The following PRKAR1B variants were observed in gnomAD, a reference collection of about 807,000 sequenced individuals.
PRKAR1B encodes cAMP-dependent protein kinase type I-beta regulatory subunit.
Under a neutral mutation model 46.5 loss-of-function variants are expected in PRKAR1B, and 22 were observed. The ratio of observed to expected loss-of-function variants is 0.47; its 90% CI spans 0.34 to 0.68. The LOEUF (loss-of-function observed/expected upper bound fraction) is 0.68. PRKAR1B is among the 30% of genes least tolerant of loss of function. The probability of loss-of-function intolerance (pLI) is 0.01; values close to 1 mark genes in which losing one functional copy is unlikely to be tolerated. For missense variants in PRKAR1B, 445 were observed against 535.6 expected (o/e 0.83, Z 1.67); for synonymous variants, 259 against 217.7 (o/e 1.19, Z -1.67).
At chr7:582,578 G>A (rs1462283918) in intron 8 of PRKAR1B, among the ~76,000 whole-genome samples, 2 of 152,252 alleles carry the variant, frequency 1.3e-5, no homozygotes, top group Non-Finnish European at 2.9e-5. Flanking sequence ...GAGGCCACGC[G>A]GCCAGGGCGT....
chr7:555,279 C>T (rs1240773746), intron 9 of PRKAR1B, among the ~76,000 whole-genome samples: 3 of 152,126 alleles, frequency 2.0e-5, no homozygotes, highest in Non-Finnish European at 4.4e-5. Context: ...CCGGGGAGCC[C>T]CCACGGGGCT....
chr7:561,178 TACACACATGCACACACACCCC>T (rs1294469622), intron 9 of PRKAR1B, among the ~76,000 whole-genome samples: 2 of 144,938 alleles, frequency 1.4e-5, no homozygotes, highest in African/African-American at 2.6e-5. Flanking sequence ...GGTACGTGCA[TACACACATGCACACACACCCC>T]ACACACATGC....
chr7:614,931 G>T (rs1354854246), intron 4 of PRKAR1B, among the ~76,000 whole-genome samples: 2 of 151,856 alleles, frequency 1.3e-5, no homozygotes, highest in African/African-American at 2.4e-5. Context: ...AAAAAATTCA[G>T]CTGGGCATGG....
intron 2 of PRKAR1B, among the ~76,000 whole-genome samples, chr7:682,409 A>T (rs777618835): frequency 3.1e-4 from 47 of 151,746 alleles, no homozygotes; most frequent in Non-Finnish European, 2.7e-4. Flanking sequence ...TGGCCCCAGG[A>T]GTTCAAGACC....
rs570168396 is a variant in PRKAR1B at position 693,003 on chromosome 7, C to T, written c.178-12277G>A. ...AGGCTGGAGGGCAGTGGTGCGATCT[C>T]GGCTCACTGCAAGCTCCGCCTCCCG... On this transcript the variant is annotated intron_variant, in intron 2 of 10. Transcript: ENST00000537384. Among the ~76,000 whole-genome samples the T allele has an allele frequency of 8.6e-5, 13 of 151,880 alleles. No individual in the cohort carries two copies. The South Asian group carries it at 1.7e-3, about 19-fold the overall frequency.
At chr7:727,056 T>C in intron 1 of PRKAR1B, 154 bp downstream of exon 1, 14 of 1,077,054 alleles carry the variant, frequency 1.3e-5, no homozygotes, top group Non-Finnish European at 1.5e-5. Flanking sequence ...GGCCCCGCGA[T>C]GCCCTGCCGC....
intron 4 of PRKAR1B, 45 bp downstream of exon 4, chr7:677,184 G>C (rs370104383): frequency 3.8e-6 from 6 of 1,584,060 alleles, no homozygotes; most frequent in South Asian, 2.2e-5. Flanking sequence ...CCCGGAGGCC[G>C]AGGAGGGCGG....
intron 4 of PRKAR1B, among the ~76,000 whole-genome samples, chr7:645,357 C>G (rs1562585892): frequency 1.3e-5 from 2 of 152,188 alleles, no homozygotes; most frequent in Admixed American, 1.3e-4. Flanking sequence ...AAAGATCAAT[C>G]TCACTCAGTC....
intron 2 of PRKAR1B, chr7:696,592 T>A (rs1054779301): frequency 6.6e-6 from 1 of 152,220 alleles, no homozygotes; most frequent in African/African-American, 2.4e-5. Flanking sequence ...ACTTAGCTTT[T>A]GAGATCCATG....
chr7:577,320 C>G (rs1480152309), intron 9 of PRKAR1B, among the ~76,000 whole-genome samples: 1 of 152,226 alleles, frequency 6.6e-6, no homozygotes, highest in African/African-American at 2.4e-5. Flanking sequence ...TGATCCTCGT[C>G]ACTGCCCACA....
chr7:584,595 CAAG>C lies in PRKAR1B; in HGVS notation c.709-30_709-28del, dbSNP rs200144617. 5,005 of 1,595,416 alleles carry C rather than the reference CAAG, an allele frequency of 3.1e-3. 135 individuals carry two copies. In the African/African-American group the frequency reaches 0.059, roughly 19 times the overall value. ...TGTTCGGGAGAAAGTAAAAAACAGACAAGAAGGTGAATCTTCATACCTGGATCA... is the reference window on the plus strand; with the variant it reads ...TGTTCGGGAGAAAGTAAAAAACAGACAAGGTGAATCTTCATACCTGGATCA... On this transcript the variant is annotated intron_variant, in intron 7 of 10. Transcript: ENST00000537384.
chr7:563,189 C>G (rs766616321), intron 9 of PRKAR1B, among the ~76,000 whole-genome samples: 32 of 152,344 alleles, frequency 2.1e-4, no homozygotes, highest in Non-Finnish European at 3.8e-4. Flanking sequence ...GGCACCTAGA[C>G]CCAACCCGGA....
At chr7:583,811 T>C (rs1470953002) in intron 8 of PRKAR1B, among the ~76,000 whole-genome samples, 1 of 140,762 alleles carries the variant, frequency 7.1e-6, no homozygotes, top group Non-Finnish European at 1.5e-5. Context: ...TGCACACTCA[T>C]GCACACACAC....
At chr7:655,895 T>C (rs757718193) in intron 4 of PRKAR1B, among the ~76,000 whole-genome samples, 15 of 152,122 alleles carry the variant, frequency 9.9e-5, no homozygotes, top group Admixed American at 2.0e-4. Flanking sequence ...CCTGGGTCCA[T>C]TGGGGAGTTA....
At chr7:639,471 T>A (rs1259453988) in intron 4 of PRKAR1B, among the ~76,000 whole-genome samples, 1 of 152,190 alleles carries the variant, frequency 6.6e-6, no homozygotes. Flanking sequence ...GCTGAAACTA[T>A]AAAAGAAGAC....
Position 711,406 on chromosome 7 carries a change from A to C in PRKAR1B, c.100T>G (p.Cys34Gly). Reference sequence around the variant, plus strand: ...TTGGAGATGCAGAGGTGGACGATACAGTCTTTGAGGACCTGCTGGATCCCG... The same window carrying C: ...TTGGAGATGCAGAGGTGGACGATACCGTCTTTGAGGACCTGCTGGATCCCG... ...LHGIQQVLKD[C>G]IVHLCISKPE... Residue 34 changes from cysteine (C) to glycine (G), a missense_variant, in exon 2 of 11, where the codon TGT (cysteine) becomes GGT (glycine). By Grantham distance (159) the Cys-to-Gly change is radical. Around this residue, in one of 5 missense-constraint regions of PRKAR1B, gnomAD observed 155 missense variants for 127.5 expected, o/e 1.22. Coordinates refer to ENST00000537384, the MANE Select transcript of PRKAR1B (RefSeq NM_001164760.2). The C allele has an allele frequency of 6.2e-7, 1 of 1,614,208 alleles. No individual in the cohort carries two copies. The highest frequency in any genetic ancestry group is 8.5e-7 in the Non-Finnish European group (1 of 1,180,026).
chr7:693,465 G>C (rs1163001750), intron 2 of PRKAR1B, among the ~76,000 whole-genome samples: 1 of 151,492 alleles, frequency 6.6e-6, no homozygotes, highest in Non-Finnish European at 1.5e-5. Context: ...CTGTGCAACT[G>C]CCTGTTCCTG....
intron 5 of PRKAR1B, 125 bp from the exon 6 acceptor site, chr7:606,364 C>T (rs1245962160): frequency 1.4e-6 from 1 of 699,134 alleles, no homozygotes; most frequent in Non-Finnish European, 2.4e-6. Flanking sequence ...TGGGTGCTAC[C>T]AATTCTTTTT....
rs1779122816 is a variant in PRKAR1B at position 566,236 on chromosome 7, C to G, written c.891+13020G>C. Among the ~76,000 whole-genome samples, 4 of 152,044 alleles carry G rather than the reference C, an allele frequency of 2.6e-5. No homozygotes were observed. In the South Asian group the frequency reaches 8.3e-4, roughly 32 times the overall value. ...ACCATGACCATCATGGTCATCATCA[C>G]TATCATCATCACCATGACATCATCA... On this transcript the variant is annotated intron_variant, in intron 9 of 10. Coordinates refer to ENST00000537384, the MANE Select transcript of PRKAR1B (RefSeq NM_001164760.2).
Sources: gnomAD v4.1 joint callset for allele counts (sites outside exome capture counted in the v4.1 genomes callset) on GRCh38, gnomAD v4.1.1 for gene constraint, gnomAD v4.1.1 regional missense constraint, MANE v1.5 for transcripts, NCBI Gene and HGNC (gene_info 2026-07-23, HGNC 2026-07-21) for gene names.